Variants in PTPRN2 observed in about 807,000 individuals in gnomAD.
PTPRN2 encodes the protein protein tyrosine phosphatase receptor type N2.
In PTPRN2, 74 loss-of-function variants were observed where a neutral mutation model predicts 118.8. The ratio of observed to expected loss-of-function variants is 0.62; its 90% confidence interval spans 0.52 to 0.76. PTPRN2 has a LOEUF of 0.76. PTPRN2 is among the 30% of genes least tolerant of loss of function. The probability of loss-of-function intolerance (pLI) is 0.00; values close to 1 mark genes in which losing one functional copy is unlikely to be tolerated. For missense variants in PTPRN2, 1,481 were observed against 1,394.4 expected (o/e 1.06, Z -0.99); for synonymous variants, 641 against 608.0 (o/e 1.05, Z -0.80).
chr7:158,363,219 G>A (rs573600646), intron 2 of PTPRN2, among the ~76,000 whole-genome samples: 5 of 151,952 alleles, frequency 3.3e-5, no homozygotes, highest in African/African-American at 9.7e-5. Flanking sequence ...GAGAGGCTAC[G>A]GGAGGACGCT....
intron 14 of PTPRN2, among the ~76,000 whole-genome samples, chr7:157,648,849 G>C (rs1488822336): frequency 2.4e-5 from 3 of 127,274 alleles, no homozygotes; most frequent in Non-Finnish European, 3.3e-5. Flanking sequence ...GACCCATCCA[G>C]CGTGCACTGA....
chr7:157,760,808 G>A (rs1802082314), intron 12 of PTPRN2, among the ~76,000 whole-genome samples: 2 of 152,104 alleles, frequency 1.3e-5, no homozygotes, highest in African/African-American at 4.8e-5. Context: ...GGAGATTTTG[G>A]GCTGAGACAA....
chr7:158,348,222 G>T (rs1359659971), intron 2 of PTPRN2, among the ~76,000 whole-genome samples: 2 of 152,010 alleles, frequency 1.3e-5, no homozygotes, highest in African/African-American at 4.8e-5. Flanking sequence ...CAAAAGCAGC[G>T]GGGAGATGCT....
intron 10 of PTPRN2, among the ~76,000 whole-genome samples, chr7:158,097,918 T>G (rs970888075): frequency 1.3e-5 from 2 of 152,000 alleles, no homozygotes; most frequent in Non-Finnish European, 2.9e-5. Flanking sequence ...TCTTTTCCTT[T>G]CCCGGAACAA....
chr7:157,898,860 A>C, intron 11 of PTPRN2, 123 bp from the exon 12 acceptor site: 1 of 841,994 alleles, frequency 1.2e-6, no homozygotes, highest in Non-Finnish European at 2.0e-6. Flanking sequence ...GCCTACCTTA[A>C]TGGAAGGGTC....
rs1220100191 is a variant in PTPRN2 at position 158,205,113 on chromosome 7, G to A, written c.380+58C>T. On this transcript the variant is annotated intron_variant, in intron 4 of 22. Coordinates refer to ENST00000389418, the MANE Select transcript of PTPRN2 (RefSeq NM_002847.5). ...ACAAACAAACAAACAAATAATAAGTGTAATGGCTATGGACTGTGTCCTGGG... is the reference window on the plus strand; with the variant it reads ...ACAAACAAACAAACAAATAATAAGTATAATGGCTATGGACTGTGTCCTGGG... The A allele has an allele frequency of 1.4e-5, 19 of 1,334,304 alleles. No individual in the cohort carries two copies. The Middle Eastern group carries it at 9.0e-4, about 63-fold the overall frequency. 82.7% of individuals were successfully genotyped at this position (1,334,304 alleles called of 1,614,324 possible).
intron 11 of PTPRN2, among the ~76,000 whole-genome samples, chr7:158,038,796 T>G (rs960192792): frequency 2.0e-5 from 3 of 150,360 alleles, no homozygotes; most frequent in Non-Finnish European, 3.0e-5. Flanking sequence ...AATATGTATT[T>G]CTAGAATAAT....
chr7:158,195,515 A>G (rs1451274035), intron 4 of PTPRN2, among the ~76,000 whole-genome samples: 2 of 151,518 alleles, frequency 1.3e-5, no homozygotes, highest in African/African-American at 4.9e-5. Context: ...AATTTTCCTC[A>G]TTATTTCTTC....
intron 2 of PTPRN2, among the ~76,000 whole-genome samples, chr7:158,322,849 GC>G (rs1221298173): frequency 1.3e-5 from 2 of 152,232 alleles, no homozygotes; most frequent in African/African-American, 4.8e-5. Flanking sequence ...GATCTCCCTG[GC>G]AAGGGCTGGA....
intron 3 of PTPRN2, among the ~76,000 whole-genome samples, chr7:158,305,153 G>A (rs147741996): frequency 1.3e-4 from 20 of 152,260 alleles, no homozygotes; most frequent in Non-Finnish European, 2.4e-4. Context: ...TCCCATCATG[G>A]CCTGAACTAG....
chr7:158,345,346 C>T (rs1314416854), intron 2 of PTPRN2, among the ~76,000 whole-genome samples: 1 of 152,184 alleles, frequency 6.6e-6, no homozygotes, highest in Non-Finnish European at 1.5e-5. Flanking sequence ...GTGGGCTACT[C>T]TGGTAACCAG....
intron 12 of PTPRN2, among the ~76,000 whole-genome samples, chr7:157,803,584 T>C (rs774985183): frequency 3.3e-5 from 5 of 152,232 alleles, no homozygotes; most frequent in Non-Finnish European, 7.3e-5. Context: ...GTCTCAGTCT[T>C]TAGCCCATGT....
intron 14 of PTPRN2, among the ~76,000 whole-genome samples, chr7:157,653,871 C>T (rs1322162797): frequency 1.4e-5 from 2 of 141,888 alleles, no homozygotes; most frequent in Middle Eastern, 7.8e-3. Flanking sequence ...CCACACGATG[C>T]CCGCTGATCC....
chr7:158,023,456 A>T (rs1807051987), intron 11 of PTPRN2, among the ~76,000 whole-genome samples: 1 of 152,136 alleles, frequency 6.6e-6, no homozygotes, highest in African/African-American at 2.4e-5. Context: ...ACACTCTAAA[A>T]AAAATTTCTC....
chr7:157,713,606 G>A (rs910819286), intron 12 of PTPRN2, among the ~76,000 whole-genome samples: 1 of 152,120 alleles, frequency 6.6e-6, no homozygotes, highest in Admixed American at 6.6e-5. Flanking sequence ...TCACTGATAC[G>A]GCCTAGGATC....
chr7:158,356,087 C>T lies in PTPRN2; in HGVS notation c.164-39155G>A, dbSNP rs79408422. Among the ~76,000 whole-genome samples the T allele has an allele frequency of 3.3e-3, 503 of 152,302 alleles. 5 individuals carry two copies. The highest frequency in any genetic ancestry group is 0.01 in the African/African-American group (427 of 41,560). On this transcript the variant is annotated intron_variant, in intron 2 of 22. Transcript: ENST00000389418. ...ACACATATAAATCAATGGAAAATGTCTTCTTGGCTGTCTTTATGGTATTTA... is the reference window on the plus strand; with the variant it reads ...ACACATATAAATCAATGGAAAATGTTTTCTTGGCTGTCTTTATGGTATTTA...
intron 12 of PTPRN2, among the ~76,000 whole-genome samples, chr7:157,885,692 G>A (rs1424796988): frequency 1.3e-5 from 2 of 152,244 alleles, no homozygotes; most frequent in African/African-American, 4.8e-5. Flanking sequence ...TATACCAGGT[G>A]CGAATGTGCT....
At chr7:157,789,511 G>T (rs533493027) in intron 12 of PTPRN2, among the ~76,000 whole-genome samples, 1 of 152,356 alleles carries the variant, frequency 6.6e-6, no homozygotes, top group Admixed American at 6.5e-5. Flanking sequence ...GGAGAGAAAA[G>T]GGGCGGCCTG....
intron 10 of PTPRN2, among the ~76,000 whole-genome samples, chr7:158,105,663 G>A (rs1318280990): frequency 6.9e-6 from 1 of 145,786 alleles, no homozygotes; most frequent in Non-Finnish European, 1.5e-5. Flanking sequence ...CTCTATCCCA[G>A]ACCATGGAGC....
Sources: gnomAD v4.1 joint callset for allele counts (sites outside exome capture counted in the v4.1 genomes callset) on GRCh38, gnomAD v4.1.1 for gene constraint, MANE v1.5 for transcripts, NCBI Gene and HGNC (gene_info 2026-07-23, HGNC 2026-07-21) for gene names.